GALC: variants seen among roughly 807,000 people sequenced by gnomAD.
The protein encoded by GALC is galactosylceramidase.
GALC carries 77 observed loss-of-function variants against 91.8 expected under a neutral mutation model. That is an observed-to-expected ratio of 0.84 (90% CI 0.70 to 1.01). The LOEUF (loss-of-function observed/expected upper bound fraction) is 1.01. Ranked by LOEUF, GALC falls within the 50% of genes least tolerant of loss-of-function variation. The pLI, the probability that GALC is intolerant of heterozygous loss-of-function variation, is 0.00. For missense variants in GALC, 882 were observed against 855.9 expected (o/e 1.03, Z -0.38); for synonymous variants, 357 against 306.7 (o/e 1.16, Z -1.71).
chr14:87,948,708 T>G (rs1300443398), intron 12 of GALC, among the ~76,000 whole-genome samples: 1 of 152,040 alleles, frequency 6.6e-6, no homozygotes, highest in African/African-American at 2.4e-5. Context: ...GGTTGAAGAA[T>G]AACCCCAAAT....
intron 13 of GALC, among the ~76,000 whole-genome samples, chr14:87,947,095 A>T (rs1341030368): frequency 6.6e-6 from 1 of 151,980 alleles, no homozygotes; most frequent in Non-Finnish European, 1.5e-5. Flanking sequence ...TGTCTGTGAG[A>T]CCCATAAACC....
chr14:87,956,842 ATTGTTTTCCATATAGG>A (rs1294924200), intron 10 of GALC, among the ~76,000 whole-genome samples: 1 of 151,968 alleles, frequency 6.6e-6, no homozygotes, highest in Non-Finnish European at 1.5e-5. Context: ...AAATCTCCAC[ATTGTTTTCCATATAGG>A]TTGTACTAAC....
chr14:87,982,162 C>G (rs1193942069), intron 6 of GALC, 43 bp downstream of exon 6: 2 of 1,063,944 alleles, frequency 1.9e-6, no homozygotes, highest in Non-Finnish European at 2.9e-6. Context: ...AGGAATTATT[C>G]ACTAAAAAGT....
rs575685823 is a variant in GALC, at chr14:87,934,548, G to A, written c.*184C>T. 1.4e-6 allele frequency: 2 copies of A among 1,460,178 alleles called. No homozygotes were observed. The highest frequency in any genetic ancestry group is 5.0e-5 in the East Asian group (2 of 40,004). The allele number at this position is 1,460,178 out of a possible 1,614,324, so 90.5% of individuals were successfully genotyped here. On this transcript the variant is annotated 3_prime_UTR_variant, in exon 17 of 17. Transcript: ENST00000261304. The stretch of plus-strand genomic sequence containing the variant: ...TAAAGATTCACCAGTTTTCCCCTTG[G>A]AATTAATTCTAATAAAATCTTCCAC...
chr14:87,988,404 T>A, intron 2 of GALC, 51 bp downstream of exon 2: 1 of 1,369,898 alleles, frequency 7.3e-7, no homozygotes, highest in Non-Finnish European at 1.0e-6. Flanking sequence ...AAATTCACCA[T>A]CCAATTTCTA....
At chr14:87,959,059 G>A (rs897810333) in intron 10 of GALC, among the ~76,000 whole-genome samples, 1 of 152,036 alleles carries the variant, frequency 6.6e-6, no homozygotes, top group African/African-American at 2.4e-5. Context: ...AAAATGGGAG[G>A]AAATATTTGC....
intron 11 of GALC, 59 bp from the exon 12 acceptor site, chr14:87,949,990 T>A: frequency 1.2e-6 from 1 of 859,448 alleles, no homozygotes; most frequent in Non-Finnish European, 2.0e-6. Context: ...CTTTGAGGAT[T>A]TCCAAAATCA....
rs968565987 is a variant in GALC at position 87,937,282 on chromosome 14, T to C, written c.1912-2404A>G. Among the ~76,000 whole-genome samples the C allele has an allele frequency of 3.2e-4, 4 of 12,322 alleles. No homozygotes were observed. In the Non-Finnish European group the frequency reaches 7.6e-3, roughly 23 times the overall value. The allele number at this position is 12,322 out of a possible 152,430, so 8.1% of individuals were successfully genotyped here. ...AAGGTCCCTGCTCTTATGGAGCTTA[T>C]ATTCTAGTAGGAGATGGACAGATAT... On this transcript the variant is annotated intron_variant, in intron 16 of 16. Coordinates refer to ENST00000261304, the MANE Select transcript of GALC (RefSeq NM_000153.4).
intron 2 of GALC, 114 bp from the exon 3 acceptor site, chr14:87,988,321 T>G: frequency 2.4e-6 from 3 of 1,249,724 alleles, no homozygotes; most frequent in African/African-American, 3.0e-5. Flanking sequence ...AAACTTCAAA[T>G]AGCAATTTAT....
chr14:87,942,530 C>T (rs762298451), intron 14 of GALC, among the ~76,000 whole-genome samples: 18 of 151,996 alleles, frequency 1.2e-4, no homozygotes, highest in Non-Finnish European at 1.8e-4. Context: ...TCACTTCCTA[C>T]TCAGTATCTA....
intron 3 of GALC, chr14:87,987,880 T>C (rs1887039105): frequency 2.2e-6 from 1 of 458,566 alleles, no homozygotes; most frequent in South Asian, 2.7e-5. Context: ...ATATATAGGT[T>C]TTAGAAAACT....
At chr14:87,972,698 A>G (rs1886345334) in intron 7 of GALC, among the ~76,000 whole-genome samples, 1 of 152,176 alleles carries the variant, frequency 6.6e-6, no homozygotes, top group Non-Finnish European at 1.5e-5. Flanking sequence ...CAGAACAGAC[A>G]CTGTGGAAAA....
chr14:87,934,756 G>A lies in GALC; in HGVS notation c.2034C>T (p.Asn678=), dbSNP rs183869279. 1.7e-5 allele frequency: 28 copies of A among 1,613,230 alleles called. No homozygotes were observed. The African/African-American group carries it at 1.9e-4, about 11-fold the overall frequency. ...ATTAGCGTGTGGCTTCCACAAGAAA[G>A]TTGTCAAACTGTGCAAATTCAAAGG... ...THSFEFAQFD[N]FLVEATR is the part of the protein sequence containing the mutation. The change falls in exon 17 of 17, where the codon AAC becomes AAT. Residue 678 remains asparagine, a synonymous_variant. Transcript: ENST00000261304.
chr14:87,936,059 T>C (rs1193354317), intron 16 of GALC, among the ~76,000 whole-genome samples: 1 of 151,996 alleles, frequency 6.6e-6, no homozygotes, highest in Non-Finnish European at 1.5e-5. Flanking sequence ...AACAGGACCT[T>C]ATCTCTCCTG....
chr14:87,952,452 C>A, intron 10 of GALC: 5 of 466,338 alleles, frequency 1.1e-5, no homozygotes, highest in South Asian at 2.8e-5. Flanking sequence ...AAAAAGAAAC[C>A]AGTGGCTTCA....
intron 12 of GALC, among the ~76,000 whole-genome samples, chr14:87,948,853 T>A (rs947956680): frequency 5.3e-5 from 8 of 152,016 alleles, no homozygotes; most frequent in African/African-American, 1.9e-4. Flanking sequence ...ACTAGTTGGT[T>A]ATCAGAACAT....
intron 6 of GALC, among the ~76,000 whole-genome samples, chr14:87,980,188 C>A (rs1886677988): frequency 6.6e-6 from 1 of 152,078 alleles, no homozygotes. Context: ...CAAGACCAGC[C>A]TGGCCAAGAT....
At chr14:87,953,870 A>T in intron 10 of GALC, 1 of 1,610,170 alleles carries the variant, frequency 6.2e-7, no homozygotes, top group Non-Finnish European at 8.5e-7. Context: ...TAAACATAAA[A>T]TTCGGACCAA....
chr14:87,979,959 A>T (rs77215295), intron 6 of GALC, among the ~76,000 whole-genome samples: 17,182 of 151,834 alleles, frequency 0.11, 1,136 homozygotes, highest in Non-Finnish European at 0.16. Flanking sequence ...CCCCCACCCA[A>T]TCTGCTCCCA....
Sources: gnomAD v4.1 joint callset for allele counts (sites outside exome capture counted in the v4.1 genomes callset) on GRCh38, gnomAD v4.1.1 for gene constraint, MANE v1.5 for transcripts, NCBI Gene and HGNC (gene_info 2026-07-23, HGNC 2026-07-21) for gene names.